Variants in CHD9 observed in about 807,000 individuals in gnomAD.
CHD9 encodes chromodomain helicase DNA binding protein 9.
A neutral mutation model predicts 316.1 loss-of-function variants in CHD9; 77 were observed. The ratio of observed to expected loss-of-function variants is 0.24; its 90% confidence interval spans 0.20 to 0.29. The LOEUF is 0.29. Ranked by LOEUF, CHD9 falls within the 10% of genes least tolerant of loss-of-function variation. The pLI, the probability that CHD9 is intolerant of heterozygous loss-of-function variation, is 1.00. For synonymous variants in CHD9, 1,129 were observed against 1,158.3 expected (o/e 0.97, Z 0.51); for missense variants, 2,763 against 3,438.1 (o/e 0.80, Z 4.91).
intron 1 of CHD9, among the ~76,000 whole-genome samples, chr16:53,057,020 T>A (rs2032219344): frequency 6.6e-6 from 1 of 151,864 alleles, no homozygotes; most frequent in Admixed American, 6.6e-5. Context: ...TTAAAAAAAA[T>A]TTGTTTGTGG....
rs1327374468 is a variant in CHD9 at position 53,304,229 on chromosome 16, T to G, written c.6223T>G (p.Ser2075Ala). The change falls in exon 31 of 39, where the codon TCT (serine) becomes GCT (alanine). Residue 2075 changes from serine to alanine, a missense_variant. Ser to Ala is a moderately conservative substitution (Grantham distance 99). This residue lies in a region of CHD9 where 663 missense variants were observed against 751.2 expected (regional missense o/e 0.88). Transcript: ENST00000447540. ...SSVETRTLIK[S>A]EPVSPKNGVL... ...TGTGGAAACCAGGACACTAATAAAA[T>G]CTGAGCCTGTAAGTCCAAAGAATGG... is the stretch of plus-strand genomic sequence containing the variant. The G allele has an allele frequency of 6.2e-7, 1 of 1,610,922 alleles. No homozygotes were observed. Among genetic ancestry groups the G allele is most frequent in the Admixed American group, 1.7e-5 (1 of 59,488 alleles).
intron 24 of CHD9, among the ~76,000 whole-genome samples, chr16:53,284,341 G>A (rs959726462): frequency 4.0e-5 from 6 of 149,738 alleles, no homozygotes; most frequent in South Asian, 2.1e-4. Flanking sequence ...ATAAGAAAAT[G>A]TGTGTGTGTG....
chr16:53,244,848 T>G (rs984394560), intron 13 of CHD9, among the ~76,000 whole-genome samples: 1 of 152,056 alleles, frequency 6.6e-6, no homozygotes, highest in South Asian at 2.1e-4. Context: ...AAATTATGAG[T>G]CTGGGTACCG....
intron 1 of CHD9, among the ~76,000 whole-genome samples, chr16:53,150,671 A>C (rs2041026108): frequency 6.6e-6 from 1 of 152,208 alleles, no homozygotes; most frequent in Non-Finnish European, 1.5e-5. Flanking sequence ...AGTTCTACTA[A>C]TAACAAACTC....
At chr16:53,286,757 G>A (rs1213406335) in intron 26 of CHD9, among the ~76,000 whole-genome samples, 1 of 152,134 alleles carries the variant, frequency 6.6e-6, no homozygotes, top group Non-Finnish European at 1.5e-5. Context: ...ATCCAAGGAT[G>A]CTCTAGTCCT....
chr16:53,060,331 A>G (rs943308094), intron 1 of CHD9, among the ~76,000 whole-genome samples: 5 of 152,022 alleles, frequency 3.3e-5, no homozygotes, highest in African/African-American at 1.2e-4. Flanking sequence ...GATACTAGGT[A>G]GGTTGGGTGC....
In CHD9 at chr16:53,082,786, G is replaced by A. The variant is rs141825438; in HGVS notation, c.-165+27709G>A. Among the ~76,000 whole-genome samples, 19 of 152,150 alleles carry A rather than the reference G, an allele frequency of 1.2e-4. No individual in the cohort carries two copies. In the East Asian group the frequency reaches 3.1e-3, roughly 25 times the overall value. ...GAAGCATTCTCTTTGCTTTTTACCC[G>A]TCCAATTCCAGCACATCCTTCAGAT... On this transcript the variant is annotated intron_variant, in intron 1 of 38. Coordinates refer to ENST00000447540, the MANE Select transcript of CHD9 (RefSeq NM_001308319.2).
chr16:53,297,504 G>A (rs1045452592), intron 30 of CHD9, among the ~76,000 whole-genome samples: 1 of 152,146 alleles, frequency 6.6e-6, no homozygotes, highest in Non-Finnish European at 1.5e-5. Context: ...GTGCTAGAGG[G>A]TTTATTTACC....
At position 53,188,875 on chromosome 16, in the gene CHD9, G is replaced by A. The variant is rs931512109; in HGVS notation, c.1453-20607G>A. Among the ~76,000 whole-genome samples, 12 of 151,984 alleles carry A rather than the reference G, an allele frequency of 7.9e-5. No homozygotes were observed. The East Asian group carries it at 9.6e-4, about 12-fold the overall frequency. ...GCTGGGATTACAGGCGTGAGCTACC[G>A]TGCCTAGCATTGTATCTTTTTTTTA... On this transcript the variant is annotated intron_variant, in intron 2 of 38. Transcript: ENST00000447540.
chr16:53,260,891 A>G (rs370172644), intron 19 of CHD9, among the ~76,000 whole-genome samples: 8 of 152,170 alleles, frequency 5.3e-5, no homozygotes, highest in African/African-American at 1.7e-4. Context: ...CTTGGATAAT[A>G]CAAGGTATCT....
intron 2 of CHD9, among the ~76,000 whole-genome samples, chr16:53,204,148 G>A (rs939872267): frequency 6.2e-5 from 9 of 145,438 alleles, no homozygotes; most frequent in Non-Finnish European, 1.2e-4. Flanking sequence ...GTGTGTGTGT[G>A]TATAACCTTC....
intron 2 of CHD9, among the ~76,000 whole-genome samples, chr16:53,195,151 A>G (rs950938893): frequency 6.6e-6 from 1 of 152,222 alleles, no homozygotes. Context: ...CATCCATTTA[A>G]CCAGTATCCA....
intron 1 of CHD9, among the ~76,000 whole-genome samples, chr16:53,133,263 G>A (rs192282930): frequency 1.3e-5 from 2 of 152,178 alleles, no homozygotes; most frequent in East Asian, 1.9e-4. Flanking sequence ...ATATCCTAAA[G>A]GCACAGGAAA....
intron 34 of CHD9, among the ~76,000 whole-genome samples, chr16:53,313,743 G>T (rs2056661980): frequency 6.6e-6 from 1 of 152,000 alleles, no homozygotes; most frequent in Non-Finnish European, 1.5e-5. Context: ...AAGGTCAGGA[G>T]ATCAAGACCA....
At chr16:53,261,781 T>C (rs1567580526) in intron 19 of CHD9, among the ~76,000 whole-genome samples, 2 of 152,200 alleles carry the variant, frequency 1.3e-5, no homozygotes, top group South Asian at 2.1e-4. Context: ...TCATACTGTT[T>C]CGAAGCAAAT....
At chr16:53,221,364 C>G (rs1025062393) in intron 3 of CHD9, among the ~76,000 whole-genome samples, 3 of 152,168 alleles carry the variant, frequency 2.0e-5, no homozygotes, top group African/African-American at 7.2e-5. Flanking sequence ...AAAGTGCATG[C>G]TCTTAACCTC....
intron 24 of CHD9, among the ~76,000 whole-genome samples, chr16:53,280,048 A>C (rs2053254722): frequency 6.6e-6 from 1 of 152,202 alleles, no homozygotes; most frequent in African/African-American, 2.4e-5. Context: ...GATGTAGTGA[A>C]CAAAACACTT....
intron 1 of CHD9, among the ~76,000 whole-genome samples, chr16:53,129,182 A>G (rs1229579810): frequency 6.6e-6 from 1 of 152,246 alleles, no homozygotes; most frequent in African/African-American, 2.4e-5. Flanking sequence ...GCATTCAAGA[A>G]AACACGAACG....
chr16:53,315,196 C>T (rs1241025892), intron 36 of CHD9, among the ~76,000 whole-genome samples, 152 bp downstream of exon 36: 1 of 152,186 alleles, frequency 6.6e-6, no homozygotes, highest in Admixed American at 6.5e-5. Context: ...CCATCCTTCC[C>T]ATGATACAAT....
Sources: gnomAD v4.1 joint callset for allele counts (sites outside exome capture counted in the v4.1 genomes callset) on GRCh38, gnomAD v4.1.1 for gene constraint, gnomAD v4.1.1 regional missense constraint, MANE v1.5 for transcripts, NCBI Gene and HGNC (gene_info 2026-07-23, HGNC 2026-07-21) for gene names.